Variants in CWC22 observed in about 807,000 individuals in gnomAD.
CWC22 encodes CWC22 spliceosome associated protein, also known as pre-mRNA-splicing factor CWC22 homolog.
Under a neutral mutation model 117.2 loss-of-function variants are expected in CWC22, and 53 were observed. The ratio of observed to expected loss-of-function variants is 0.45; its 90% CI spans 0.36 to 0.57. CWC22 has a LOEUF of 0.57. Ranked by LOEUF, CWC22 falls within the 20% of genes least tolerant of loss-of-function variation. The pLI is 0.00. For missense variants in CWC22, 980 were observed against 1,068.8 expected, an observed-to-expected ratio of 0.92 and a Z score of 1.16; for synonymous variants, 360 against 355.6, an observed-to-expected ratio of 1.01 and a Z score of -0.14.
At chr2:179,965,626 AT>A (rs1432410507) in intron 12 of CWC22, among the ~76,000 whole-genome samples, 1 of 152,206 alleles carries the variant, frequency 6.6e-6, no homozygotes, top group Non-Finnish European at 1.5e-5. Context: ...TAAAAAATGA[AT>A]TTGTTTAATA....
In CWC22 at chr2:179,946,464, A is replaced by AGG. The variant is rs1553556645; in HGVS notation, c.2141-751_2141-750dup. ...GGACTCTGTCCAAAAAAAAAAAAAA[A>AGG]GGGGGGGGGGGAAGGGGAGGGGAGG... On this transcript the variant is annotated intron_variant, in intron 19 of 19. Coordinates refer to ENST00000410053, the MANE Select transcript of CWC22 (RefSeq NM_020943.3). 1.6e-3 allele frequency among the ~76,000 whole-genome samples: 145 copies of AGG among 92,434 alleles called. 2 individuals are homozygous for AGG. Among genetic ancestry groups the AGG allele is most frequent in the Admixed American group, 2.6e-3 (22 of 8,402 alleles). 60.6% of individuals were successfully genotyped at this position (92,434 alleles called of 152,430 possible).
intron 13 of CWC22, among the ~76,000 whole-genome samples, chr2:179,960,295 C>T (rs1207479664): frequency 1.3e-5 from 2 of 151,806 alleles, no homozygotes; most frequent in Non-Finnish European, 2.9e-5. Context: ...AGAGTGCTTC[C>T]CAATGCTCAA....
chr2:179,992,538 CT>C (rs2105554604), intron 2 of CWC22, among the ~76,000 whole-genome samples: 1 of 152,252 alleles, frequency 6.6e-6, no homozygotes, highest in East Asian at 1.9e-4. Context: ...TTGAATCCCC[CT>C]ACCCTTTTCT....
chr2:179,993,672 G>A (rs1687628342), intron 1 of CWC22, among the ~76,000 whole-genome samples: 2 of 151,854 alleles, frequency 1.3e-5, no homozygotes, highest in Admixed American at 6.6e-5. Context: ...GCAAATAGAA[G>A]GTTTTATTCT....
chr2:179,981,046 T>C (rs1343118516), intron 5 of CWC22, among the ~76,000 whole-genome samples: 1 of 152,200 alleles, frequency 6.6e-6, no homozygotes, highest in Non-Finnish European at 1.5e-5. Flanking sequence ...ATTTTGTCTG[T>C]CTGCCTTAGA....
At chr2:179,950,397 T>C in intron 19 of CWC22, 115 bp downstream of exon 19, 1 of 672,596 alleles carries the variant, frequency 1.5e-6, no homozygotes, top group Non-Finnish European at 2.5e-6. Flanking sequence ...AATTGTGGCT[T>C]TTAAACAACT....
chr2:179,986,858 A>G, intron 3 of CWC22, 53 bp from the exon 4 acceptor site: 1 of 984,736 alleles, frequency 1.0e-6, no homozygotes, highest in South Asian at 1.6e-5. Context: ...TATGTTATAA[A>G]TATTTAGGAA....
At chr2:179,950,345 G>A (rs76177315) in intron 19 of CWC22, among the ~76,000 whole-genome samples, 167 bp downstream of exon 19, 5 of 152,106 alleles carry the variant, frequency 3.3e-5, no homozygotes, top group African/African-American at 1.2e-4. Flanking sequence ...TATAAATGTT[G>A]TATTACAGAC....
At chr2:179,973,915 A>T in intron 6 of CWC22, 113 bp from the exon 7 acceptor site, 1 of 510,056 alleles carries the variant, frequency 2.0e-6, no homozygotes, top group Non-Finnish European at 3.3e-6. Context: ...TAAAATCTAA[A>T]TCAGAACTAA....
At chr2:179,995,064 G>A (rs1324524163) in intron 1 of CWC22, among the ~76,000 whole-genome samples, 4 of 152,198 alleles carry the variant, frequency 2.6e-5, no homozygotes, top group Non-Finnish European at 5.9e-5. Flanking sequence ...CTTGCAGTGA[G>A]CTGAGATCGT....
intron 1 of CWC22, among the ~76,000 whole-genome samples, chr2:179,996,580 A>C (rs1283906979): frequency 1.3e-5 from 2 of 152,156 alleles, no homozygotes; most frequent in Admixed American, 1.3e-4. Context: ...TCTCATTTAC[A>C]TGCAGAAGCT....
At chr2:180,004,199 G>A (rs899035562) in intron 1 of CWC22, among the ~76,000 whole-genome samples, 2 of 152,200 alleles carry the variant, frequency 1.3e-5, no homozygotes, top group African/African-American at 4.8e-5. Context: ...TTAGGGATAT[G>A]ATGAGTAGTA....
chr2:180,004,885 T>A (rs1369053867), intron 1 of CWC22, among the ~76,000 whole-genome samples: 1 of 152,028 alleles, frequency 6.6e-6, no homozygotes, highest in Non-Finnish European at 1.5e-5. Flanking sequence ...TGGCCATGCA[T>A]CCAAGTACTT....
In CWC22 at chr2:179,978,204, A is replaced by G; in HGVS notation, c.567T>C (p.Asn189=). 6.5e-7 allele frequency: 1 copy of G among 1,539,794 alleles called. No homozygotes were observed. The highest frequency in any genetic ancestry group is 8.7e-7 in the Non-Finnish European group (1 of 1,149,718). ...CCAATACTTACCTTCCTCTAACTAT[A>G]TTTTCTTGAAGAAGCTCTTGAATAA... ...SIIIQELLQE[N]IVRGRGLLSR... The change falls in exon 6 of 20, where the codon AAT becomes AAC. Residue 189 remains asparagine (N), a synonymous_variant. Coordinates refer to ENST00000410053, the MANE Select transcript of CWC22 (RefSeq NM_020943.3).
At chr2:179,949,539 G>C (rs1686395482) in intron 19 of CWC22, among the ~76,000 whole-genome samples, 1 of 152,120 alleles carries the variant, frequency 6.6e-6, no homozygotes. Flanking sequence ...GTATTAATGA[G>C]AATGGGAGCT....
At chr2:179,945,828 C>T in intron 19 of CWC22, 113 bp from the exon 20 acceptor site, 1 of 650,058 alleles carries the variant, frequency 1.5e-6, no homozygotes, top group South Asian at 2.1e-5. Flanking sequence ...AAACTAGGTG[C>T]AAAGCCAAAT....
intron 4 of CWC22, among the ~76,000 whole-genome samples, chr2:179,985,430 C>T (rs1042106655): frequency 3.3e-5 from 5 of 152,084 alleles, no homozygotes; most frequent in Non-Finnish European, 7.4e-5. Flanking sequence ...TTTGAGACTA[C>T]CATTACTTCT....
chr2:179,958,963 G>T, intron 14 of CWC22, 59 bp downstream of exon 14: 2 of 1,021,736 alleles, frequency 2.0e-6, no homozygotes, highest in Non-Finnish European at 3.0e-6. Flanking sequence ...CCCATTAACA[G>T]CCTTAAACAT....
chr2:180,000,851 G>C (rs1687829548), intron 1 of CWC22, among the ~76,000 whole-genome samples: 5 of 151,558 alleles, frequency 3.3e-5, no homozygotes, highest in Admixed American at 3.3e-4. Flanking sequence ...AATGAACCCA[G>C]TGACACCATT....
Sources: gnomAD v4.1 joint callset for allele counts (sites outside exome capture counted in the v4.1 genomes callset) on GRCh38, gnomAD v4.1.1 for gene constraint, MANE v1.5 for transcripts, NCBI Gene and HGNC (gene_info 2026-07-23, HGNC 2026-07-21) for gene names.